TMTC2: variants seen among roughly 807,000 people sequenced by gnomAD.
TMTC2 encodes the protein transmembrane O-mannosyltransferase targeting cadherins 2, also known as protein O-mannosyl-transferase TMTC2.
In TMTC2, 43 loss-of-function variants were observed where a neutral mutation model predicts 82.4. The ratio of observed to expected loss-of-function variants is 0.52; its 90% confidence interval spans 0.41 to 0.67. TMTC2 has a LOEUF of 0.67. TMTC2 is among the 30% of genes least tolerant of loss of function. The probability of loss-of-function intolerance (pLI) is 0.00; values close to 1 mark genes in which losing one functional copy is unlikely to be tolerated. For missense variants in TMTC2, 919 were observed against 1,012.4 expected (o/e 0.91, Z 1.25); for synonymous variants, 408 against 381.9 (o/e 1.07, Z -0.80).
intron 9 of TMTC2, among the ~76,000 whole-genome samples, chr12:83,045,351 A>G (rs1318223342): frequency 6.6e-6 from 1 of 152,176 alleles, no homozygotes; most frequent in African/African-American, 2.4e-5. Context: ...AATTACAACC[A>G]AAGAAATGAA....
At chr12:83,032,257 TTATATA>T (rs57604518) in intron 9 of TMTC2, among the ~76,000 whole-genome samples, 5,488 of 130,564 alleles carry the variant, frequency 0.042, 136 homozygotes, top group Non-Finnish European at 0.048. Flanking sequence ...AGAGAATATT[TTATATA>T]TATATATATA....
intron 9 of TMTC2, among the ~76,000 whole-genome samples, chr12:83,047,820 A>G (rs1467947127): frequency 6.6e-6 from 1 of 152,264 alleles, no homozygotes; most frequent in East Asian, 1.9e-4. Context: ...TTACTAAATG[A>G]TGATAAAAAT....
chr12:83,107,567 A>G (rs745484116), intron 11 of TMTC2, among the ~76,000 whole-genome samples: 15 of 152,174 alleles, frequency 9.9e-5, no homozygotes, highest in Non-Finnish European at 1.8e-4. Context: ...CCTCCAATCA[A>G]CATATTAATT....
chr12:82,839,220 C>T (rs1870204675), intron 1 of TMTC2, among the ~76,000 whole-genome samples: 1 of 152,140 alleles, frequency 6.6e-6, no homozygotes, highest in South Asian at 2.1e-4. Context: ...CCCAGGATGC[C>T]CTCAGAGGGG....
Position 83,061,841 on chromosome 12 carries a change from TCCC to T in TMTC2, c.2331+11_2331+13del, listed in dbSNP as rs1882754702. The T allele has an allele frequency of 3.2e-6, 5 of 1,576,828 alleles. No individual in the cohort carries two copies. The South Asian group carries it at 6.1e-5, about 19-fold the overall frequency. ...CAGGCTGAGGCCTAATGTAAGTACT[TCCC>T]TAATGAGAAACATTTTCAGAGGGAT... On this transcript the variant is annotated intron_variant, in intron 11 of 11. Coordinates refer to ENST00000321196, the MANE Select transcript of TMTC2 (RefSeq NM_152588.3).
chr12:82,769,645 C>T (rs188742900), intron 1 of TMTC2, among the ~76,000 whole-genome samples: 309 of 152,268 alleles, frequency 2.0e-3, no homozygotes, highest in African/African-American at 7.3e-3. Flanking sequence ...GAGTCTTGCT[C>T]TGTCGCCCAG....
At chr12:82,811,025 A>G (rs1273097396) in intron 1 of TMTC2, among the ~76,000 whole-genome samples, 3 of 151,866 alleles carry the variant, frequency 2.0e-5, no homozygotes, top group Non-Finnish European at 4.4e-5. Context: ...AGGTCAGGAG[A>G]TCGAGACCAT....
At chr12:83,044,056 C>CA (rs1159211186) in intron 9 of TMTC2, among the ~76,000 whole-genome samples, 1 of 152,188 alleles carries the variant, frequency 6.6e-6, no homozygotes, top group Non-Finnish European at 1.5e-5. Flanking sequence ...ATAGAAACTT[C>CA]ACTGTGAATG....
intron 7 of TMTC2, 23 bp downstream of exon 7, chr12:82,967,020 T>C: frequency 6.3e-7 from 1 of 1,577,894 alleles, no homozygotes; most frequent in South Asian, 1.1e-5. Context: ...TTAACACTTT[T>C]AAATTGATAT....
At chr12:82,803,316 A>G (rs1422592674) in intron 1 of TMTC2, among the ~76,000 whole-genome samples, 4 of 152,254 alleles carry the variant, frequency 2.6e-5, no homozygotes, top group African/African-American at 9.6e-5. Context: ...GCTGGGCTAG[A>G]GGAGGCTCCC....
intron 11 of TMTC2, among the ~76,000 whole-genome samples, chr12:83,090,990 C>A (rs1049178637): frequency 3.3e-5 from 5 of 152,034 alleles, no homozygotes; most frequent in Non-Finnish European, 7.4e-5. Flanking sequence ...TTTAGGGTAT[C>A]CATAAAAAAT....
intron 3 of TMTC2, among the ~76,000 whole-genome samples, chr12:82,917,561 T>C (rs1314488514): frequency 6.6e-6 from 1 of 152,208 alleles, no homozygotes; most frequent in Non-Finnish European, 1.5e-5. Flanking sequence ...CACATATGCA[T>C]ACACAAGTCT....
intron 8 of TMTC2, among the ~76,000 whole-genome samples, chr12:83,027,423 G>T (rs1383142508): frequency 6.6e-6 from 1 of 152,028 alleles, no homozygotes; most frequent in African/African-American, 2.4e-5. Context: ...ATAGATTATT[G>T]GATGCTGCAA....
At chr12:82,862,021 G>T (rs1565782467) in intron 2 of TMTC2, among the ~76,000 whole-genome samples, 1 of 152,160 alleles carries the variant, frequency 6.6e-6, no homozygotes, top group East Asian at 1.9e-4. Flanking sequence ...TCCTGAGTTA[G>T]TGGGGTCTGG....
intron 2 of TMTC2, among the ~76,000 whole-genome samples, chr12:82,874,889 T>C (rs931250770): frequency 6.6e-6 from 1 of 152,142 alleles, no homozygotes; most frequent in African/African-American, 2.4e-5. Flanking sequence ...CTGAAATTAA[T>C]TTGACAAATA....
chr12:82,729,905 AC>A (rs1874685400), intron 1 of TMTC2, among the ~76,000 whole-genome samples: 1 of 152,050 alleles, frequency 6.6e-6, no homozygotes, highest in South Asian at 2.1e-4. Flanking sequence ...AAGACCACGA[AC>A]CCACTGGGAG....
chr12:82,691,531 A>G (rs533819337), intron 1 of TMTC2, among the ~76,000 whole-genome samples: 1 of 152,296 alleles, frequency 6.6e-6, no homozygotes, highest in South Asian at 2.1e-4. Flanking sequence ...ATTTAAGTAT[A>G]TTAACAATTT....
At chr12:82,741,164 G>C (rs1027148123) in intron 1 of TMTC2, among the ~76,000 whole-genome samples, 7 of 152,198 alleles carry the variant, frequency 4.6e-5, no homozygotes, top group Admixed American at 3.3e-4. Flanking sequence ...ATTTTAGTAT[G>C]TAGTTACACA....
chr12:83,082,201 TA>T (rs982506580), intron 11 of TMTC2, among the ~76,000 whole-genome samples: 2 of 152,248 alleles, frequency 1.3e-5, no homozygotes, highest in African/African-American at 4.8e-5. Context: ...CAATTCTTTT[TA>T]AAACATCATT....
Sources: gnomAD v4.1 joint callset for allele counts (sites outside exome capture counted in the v4.1 genomes callset) on GRCh38, gnomAD v4.1.1 for gene constraint, MANE v1.5 for transcripts, NCBI Gene and HGNC (gene_info 2026-07-23, HGNC 2026-07-21) for gene names.